Variants in TGM4 observed in about 807,000 individuals in gnomAD.
TGM4 encodes transglutaminase 4, also known as protein-glutamine gamma-glutamyltransferase 4.
Under a neutral mutation model 76.3 loss-of-function variants are expected in TGM4, and 61 were observed. That is an observed-to-expected ratio of 0.80 (90% confidence interval 0.65 to 0.99). The LOEUF is 0.99. Ranked by LOEUF, TGM4 falls within the 50% of genes least tolerant of loss-of-function variation. TGM4 has a pLI of 0.00. For missense variants in TGM4, 794 were observed against 843.2 expected (o/e 0.94, Z 0.72); for synonymous variants, 337 against 329.8 (o/e 1.02, Z -0.24).
chr3:44,892,087 T>C (rs1699706971), intron 4 of TGM4, among the ~76,000 whole-genome samples: 1 of 151,668 alleles, frequency 6.6e-6, no homozygotes, highest in Admixed American at 6.6e-5. Context: ...TGAAACCCTG[T>C]TTCTACTAAA....
intron 1 of TGM4, among the ~76,000 whole-genome samples, chr3:44,877,978 CCTT>C (rs1359046813): frequency 6.6e-6 from 1 of 151,960 alleles, no homozygotes; most frequent in African/African-American, 2.4e-5. Context: ...TAAGGAGACC[CCTT>C]CTTCACAAAA....
Position 44,879,265 on chromosome 3 carries a change from CTA to C in TGM4, c.19+4589_19+4590del, listed in dbSNP as rs57611128. ...TCTCTCTCTCTCTCTCTCTCTCTCTCTATATATATATATATATATATAGTTTA... is the reference window on the plus strand; with the variant it reads ...TCTCTCTCTCTCTCTCTCTCTCTCTCTATATATATATATATATATAGTTTA... On this transcript the variant is annotated intron_variant, in intron 1 of 13. Transcript: ENST00000296125. Among the ~76,000 whole-genome samples the C allele has an allele frequency of 6.1e-3, 563 of 92,228 alleles. 4 individuals carry two copies. The highest frequency in any genetic ancestry group is 0.025 in the South Asian group (65 of 2,602). 60.5% of individuals were successfully genotyped at this position (92,228 alleles called of 152,430 possible). A position where few individuals can be genotyped will look rare whatever the true frequency, so the allele number is the denominator to read the frequency against.
At chr3:44,913,010 A>C (rs538531913) in intron 13 of TGM4, among the ~76,000 whole-genome samples, 2 of 152,354 alleles carry the variant, frequency 1.3e-5, no homozygotes, top group East Asian at 3.9e-4. Flanking sequence ...GAATCTTCCA[A>C]GTAAAAATGA....
At chr3:44,907,310 C>CAAA (rs3082589) in intron 10 of TGM4, 110 bp downstream of exon 10, 261 of 660,030 alleles carry the variant, frequency 4.0e-4, no homozygotes, top group South Asian at 7.3e-4. Context: ...CCATCCCTAC[C>CAAA]AAAAAAAAAA....
intron 1 of TGM4, among the ~76,000 whole-genome samples, chr3:44,879,408 G>C (rs1699500291): frequency 1.3e-5 from 2 of 151,260 alleles, no homozygotes; most frequent in Non-Finnish European, 2.9e-5. Context: ...CCCGGTTCAA[G>C]CAATTCTTCT....
intron 1 of TGM4, among the ~76,000 whole-genome samples, chr3:44,884,216 G>T (rs1196555243): frequency 6.6e-6 from 1 of 152,166 alleles, no homozygotes; most frequent in Non-Finnish European, 1.5e-5. Context: ...TATCAGAATC[G>T]CTGGGGGAGA....
At position 44,885,415 on chromosome 3, in the gene TGM4, G is replaced by A. The variant is rs1242061298; in HGVS notation, c.110G>A (p.Arg37Gln). 19 of 1,613,680 alleles carry A rather than the reference G, an allele frequency of 1.2e-5. No homozygotes were observed. In the South Asian group the frequency reaches 1.3e-4, roughly 11 times the overall value. ...TTCCAAACGAGCAGTCCTGTGTTCC[G>A]GCGAGGACAGGTGTTTCACCTGCGG... ...WEFQTSSPVF[R>Q]RGQVFHLRLV... The change falls in exon 2 of 14, where the codon CGG (arginine) becomes CAG (glutamine). Residue 37 changes from arginine (R) to glutamine (Q), a missense_variant. By Grantham distance (43) the Arg-to-Gln change is conservative. Transcript: ENST00000296125.
At position 44,896,724 on chromosome 3, in the gene TGM4, C is replaced by T. The variant is rs1485863333; in HGVS notation, c.565C>T (p.Leu189=). Residue 189 remains leucine (L), a synonymous_variant, in exon 6 of 14, where the codon CTG becomes TTG. Transcript: ENST00000296125. ...WNFGQFEKNV[L]DCCISLLTES... is the part of the protein sequence containing the mutation. ...CCCAAAATAGTTTGAGAAAAATGTCCTGGACTGCTGCATTTCCCTGCTGAC... is the reference window on the plus strand; with the variant it reads ...CCCAAAATAGTTTGAGAAAAATGTCTTGGACTGCTGCATTTCCCTGCTGAC... 1 of 1,613,982 alleles carries T rather than the reference C, an allele frequency of 6.2e-7. No individual in the cohort carries two copies. Among genetic ancestry groups the T allele is most frequent in the Non-Finnish European group, 8.5e-7 (1 of 1,180,018 alleles).
intron 8 of TGM4, among the ~76,000 whole-genome samples, chr3:44,902,632 A>G (rs1251564232): frequency 3.4e-5 from 5 of 146,174 alleles, no homozygotes; most frequent in Non-Finnish European, 7.5e-5. Flanking sequence ...AACAAACAAA[A>G]AAAATGCAGA....
intron 1 of TGM4, 106 bp from the exon 2 acceptor site, chr3:44,885,219 G>T (rs1271913565): frequency 3.3e-5 from 40 of 1,227,650 alleles, no homozygotes; most frequent in Non-Finnish European, 3.9e-5. Flanking sequence ...CGACTCTAAA[G>T]CCCAGCTCCA....
intron 4 of TGM4, among the ~76,000 whole-genome samples, chr3:44,890,993 G>T (rs551897137): frequency 6.6e-6 from 1 of 152,286 alleles, no homozygotes; most frequent in African/African-American, 2.4e-5. Context: ...CTCCACCACT[G>T]TACAGAGGCT....
intron 8 of TGM4, 55 bp downstream of exon 8, chr3:44,901,986 T>C (rs867202400): frequency 1.3e-6 from 2 of 1,585,326 alleles, no homozygotes; most frequent in Non-Finnish European, 1.7e-6. Flanking sequence ...AATTTTCTTT[T>C]TTCTTTTTAG....
intron 6 of TGM4, chr3:44,899,141 A>G (rs1452685680): frequency 2.6e-5 from 4 of 152,266 alleles, no homozygotes; most frequent in Non-Finnish European, 4.4e-5. Context: ...CCAGGGTCTG[A>G]CACGCTTTGG....
intron 6 of TGM4, among the ~76,000 whole-genome samples, chr3:44,897,931 C>A (rs1036481763): frequency 9.9e-5 from 15 of 152,160 alleles, no homozygotes; most frequent in African/African-American, 3.4e-4. Flanking sequence ...CTTCTGCATT[C>A]ATTGTTTTAG....
chr3:44,881,418 G>T (rs1435913519), intron 1 of TGM4, among the ~76,000 whole-genome samples: 2 of 152,152 alleles, frequency 1.3e-5, no homozygotes, highest in African/African-American at 2.4e-5. Flanking sequence ...AATTTATAAA[G>T]AAAAGAAATT....
At position 44,913,648 on chromosome 3, in the gene TGM4, A is replaced by T; in HGVS notation, c.1978A>T (p.Lys660Ter). ...ATGCACCCCAATAAAAACTGGACCC[A>T]AGAAATTTATCGTCAAGTTAAGTTC... ...IKCTPIKTGP[K>*]KFIVKLSSKQ... is the part of the protein sequence containing the mutation. The change falls in exon 14 of 14, where the codon AAG (lysine) becomes TAG (stop). Residue 660 changes from lysine to a stop codon, truncating the protein, a stop_gained. Coordinates refer to ENST00000296125, the MANE Select transcript of TGM4 (RefSeq NM_003241.4). LOFTEE classifies it high-confidence loss of function. 2 of 1,614,240 alleles carry T rather than the reference A, an allele frequency of 1.2e-6. No individual in the cohort carries two copies. Among genetic ancestry groups the T allele is most frequent in the Non-Finnish European group, 1.7e-6 (2 of 1,180,044 alleles).
At position 44,898,654 on chromosome 3, in the gene TGM4, G is replaced by C. The variant is rs28705387; in HGVS notation, c.657+1838G>C. ...AGGTGAGTCTGTGAGCTGAACTGCTGCGACAGACGGATCTTAAGTAGGGGC... is the reference window on the plus strand; with the variant it reads ...AGGTGAGTCTGTGAGCTGAACTGCTCCGACAGACGGATCTTAAGTAGGGGC... On this transcript the variant is annotated intron_variant, in intron 6 of 13. Coordinates refer to ENST00000296125, the MANE Select transcript of TGM4 (RefSeq NM_003241.4). 9.1e-3 allele frequency among the ~76,000 whole-genome samples: 1,390 copies of C among 152,320 alleles called. 22 individuals are homozygous for C. Among genetic ancestry groups the C allele is most frequent in the African/African-American group, 0.029 (1,211 of 41,570 alleles).
At chr3:44,890,317 A>G in intron 3 of TGM4, 1 of 314,408 alleles carries the variant, frequency 3.2e-6, no homozygotes, top group African/African-American at 2.1e-5. Context: ...GTGGTGAAGC[A>G]AGTGGTGAAG....
chr3:44,893,795 A>G (rs1427401927), intron 5 of TGM4, 100 bp downstream of exon 5: 8 of 1,109,772 alleles, frequency 7.2e-6, no homozygotes, highest in Middle Eastern at 2.1e-4. Context: ...AGGGTTGTGA[A>G]CCTCGGGTCA....
Sources: gnomAD v4.1 joint callset for allele counts (sites outside exome capture counted in the v4.1 genomes callset) on GRCh38, gnomAD v4.1.1 for gene constraint, MANE v1.5 for transcripts, NCBI Gene and HGNC (gene_info 2026-07-23, HGNC 2026-07-21) for gene names.